Variants in HLCS observed in about 807,000 individuals in gnomAD.
The protein encoded by HLCS is holocarboxylase synthetase.
Under a neutral mutation model 75.0 loss-of-function variants are expected in HLCS, and 53 were observed. That is an observed-to-expected ratio of 0.71 (90% CI 0.57 to 0.89). HLCS has a LOEUF of 0.89. Ranked by LOEUF, HLCS falls within the 40% of genes least tolerant of loss-of-function variation. The probability of loss-of-function intolerance (pLI) is 0.00; values close to 1 mark genes in which losing one functional copy is unlikely to be tolerated. For synonymous variants in HLCS, 431 were observed against 428.6 expected (o/e 1.01, Z -0.07); for missense variants, 966 against 1,074.0 (o/e 0.90, Z 1.41).
rs181761565 is a variant in HLCS at position 36,840,632 on chromosome 21, T to C, written c.1892+56228A>G. On this transcript the variant is annotated intron_variant, in intron 6 of 10. Transcript: ENST00000674895. ...TTTCAATTAATTAATTTTTTTGAGA[T>C]GGAGTTTTTTGCTCTTGTTGCCCAG... Among the ~76,000 whole-genome samples, 909 of 152,256 alleles carry C rather than the reference T, an allele frequency of 6.0e-3. 4 individuals carry two copies. The highest frequency in any genetic ancestry group is 0.031 in the South Asian group (148 of 4,824).
intron 8 of HLCS, among the ~76,000 whole-genome samples, chr21:36,760,152 T>TCCA (rs953511354): frequency 1.3e-5 from 2 of 152,054 alleles, no homozygotes; most frequent in Non-Finnish European, 2.9e-5. Context: ...TATGTCAGTA[T>TCCA]CCACCACCAC....
At position 36,752,380 on chromosome 21, in the gene HLCS, T is replaced by G. The variant is rs1016531070; in HGVS notation, c.*1866A>C. Reference sequence around the variant, plus strand: ...CAGCTTAAAACAAAACATAGCATGTTTTTCATTAAATAACCCCCAAAGAAA... The same window carrying G: ...CAGCTTAAAACAAAACATAGCATGTGTTTCATTAAATAACCCCCAAAGAAA... On this transcript the variant is annotated 3_prime_UTR_variant, in exon 11 of 11. Coordinates refer to ENST00000674895, the MANE Select transcript of HLCS (RefSeq NM_001352514.2). 2.0e-5 allele frequency: 3 copies of G among 152,550 alleles called. No individual in the cohort carries two copies. The highest frequency in any genetic ancestry group is 4.4e-5 in the Non-Finnish European group (3 of 68,044). 9.4% of individuals were successfully genotyped at this position (152,550 alleles called of 1,614,324 possible).
chr21:36,879,072 T>C (rs1466940472), intron 6 of HLCS, among the ~76,000 whole-genome samples: 15 of 152,156 alleles, frequency 9.9e-5, no homozygotes, highest in Admixed American at 9.8e-4. Context: ...TGTCACATAG[T>C]AAATGGTAAA....
At chr21:36,759,904 T>G in intron 8 of HLCS, 63 bp from the exon 9 acceptor site, 1 of 1,019,686 alleles carries the variant, frequency 9.8e-7, no homozygotes, top group Admixed American at 1.7e-5. Flanking sequence ...GGCAAGTCAC[T>G]GAGCTAAGGG....
intron 6 of HLCS, among the ~76,000 whole-genome samples, chr21:36,826,411 A>G (rs6517384): frequency 0.35 from 53,264 of 152,124 alleles, 10,090 homozygotes; most frequent in African/African-American, 0.48. Context: ...ATGAATGGAC[A>G]AATGAATGGA....
Position 36,962,046 on chromosome 21 carries a change from G to A in HLCS, c.320C>T (p.Ser107Phe), listed in dbSNP as rs914337121. Reference sequence around the variant, plus strand: ...AAACATGGTACTCACTGTTTCTGAAGAGGATGATCTCTGTAAATTCTCACT... The same window carrying A: ...AAACATGGTACTCACTGTTTCTGAAAAGGATGATCTCTGTAAATTCTCACT... ...VQSENLQRSS[S>F]SETIVKWSDC... Residue 107 changes from serine to phenylalanine, a missense_variant, in exon 2 of 11, where the codon TCT becomes TTT. Ser to Phe is a radical substitution (Grantham distance 155). Coordinates refer to ENST00000674895, the MANE Select transcript of HLCS (RefSeq NM_001352514.2). The A allele has an allele frequency of 7.0e-6, 9 of 1,288,976 alleles. No homozygotes were observed. The African/African-American group carries it at 7.6e-5, about 11-fold the overall frequency. The allele number at this position is 1,288,976 out of a possible 1,614,324, so 79.8% of individuals were successfully genotyped here.
intron 8 of HLCS, among the ~76,000 whole-genome samples, chr21:36,763,886 G>C (rs1004315338): frequency 6.6e-6 from 1 of 152,174 alleles, no homozygotes; most frequent in Non-Finnish European, 1.5e-5. Flanking sequence ...AGGCACACGG[G>C]TCCTAATAGC....
chr21:36,907,587 C>T (rs1297573448), intron 5 of HLCS, among the ~76,000 whole-genome samples: 1 of 151,764 alleles, frequency 6.6e-6, no homozygotes, highest in South Asian at 2.1e-4. Context: ...ACCCAGGAGG[C>T]GGAGGTTGCA....
At chr21:36,767,081 A>G in intron 7 of HLCS, 137 bp downstream of exon 7, 1 of 801,654 alleles carries the variant, frequency 1.2e-6, no homozygotes, top group Non-Finnish European at 2.2e-6. Context: ...CCTCCATTCC[A>G]GGCGGTTATG....
chr21:36,888,508 A>G (rs1358094869), intron 6 of HLCS, among the ~76,000 whole-genome samples: 1 of 111,486 alleles, frequency 9.0e-6, no homozygotes, highest in African/African-American at 3.7e-5. Flanking sequence ...TTATTTATTT[A>G]TTTTATGGGA....
intron 6 of HLCS, among the ~76,000 whole-genome samples, chr21:36,796,339 G>A (rs2061023638): frequency 6.6e-6 from 1 of 152,156 alleles, no homozygotes; most frequent in African/African-American, 2.4e-5. Flanking sequence ...TGGGCAAAAT[G>A]AGGAAAATCA....
intron 5 of HLCS, among the ~76,000 whole-genome samples, chr21:36,923,986 G>A (rs1023407862): frequency 4.6e-5 from 7 of 152,134 alleles, no homozygotes; most frequent in African/African-American, 1.2e-4. Context: ...GCCTTTAGCC[G>A]GTGCCGTATT....
chr21:36,872,567 G>A (rs2067584042), intron 6 of HLCS, among the ~76,000 whole-genome samples: 1 of 152,154 alleles, frequency 6.6e-6, no homozygotes, highest in Non-Finnish European at 1.5e-5. Context: ...TAGATTAGAT[G>A]TGTCTGTTCT....
chr21:36,966,377 G>T (rs979091406), intron 1 of HLCS, 67 bp downstream of exon 1: 1 of 664,360 alleles, frequency 1.5e-6, no homozygotes, highest in Non-Finnish European at 1.9e-6. Flanking sequence ...CGGCGGGGAC[G>T]AGGCGCAGGG....
At chr21:36,886,763 G>T (rs1373523433) in intron 6 of HLCS, among the ~76,000 whole-genome samples, 1 of 152,142 alleles carries the variant, frequency 6.6e-6, no homozygotes, top group African/African-American at 2.4e-5. Context: ...TAACTAATGG[G>T]ATTAATGCCC....
At chr21:36,779,420 A>T (rs1402552025) in intron 6 of HLCS, among the ~76,000 whole-genome samples, 1 of 152,028 alleles carries the variant, frequency 6.6e-6, no homozygotes, top group Non-Finnish European at 1.5e-5. Flanking sequence ...CCATAAGTTC[A>T]TCATAAACTC....
At chr21:36,825,990 T>C (rs1178971450) in intron 6 of HLCS, among the ~76,000 whole-genome samples, 1 of 151,868 alleles carries the variant, frequency 6.6e-6, no homozygotes, top group Non-Finnish European at 1.5e-5. Flanking sequence ...GCAGAGGGAG[T>C]TTCTTCACTG....
Position 36,842,803 on chromosome 21 carries a change from C to T in HLCS, c.1892+54057G>A, listed in dbSNP as rs941955873. Among the ~76,000 whole-genome samples, 2 of 152,162 alleles carry T rather than the reference C, an allele frequency of 1.3e-5. No individual in the cohort carries two copies. The highest frequency in any genetic ancestry group is 6.5e-5 in the Admixed American group (1 of 15,268). The stretch of plus-strand genomic sequence containing the variant: ...TTATTGATAAAACAATTCAAGGCCA[C>T]GAATCCAGGGTAGCCCACACCACCC... On this transcript the variant is annotated intron_variant, in intron 6 of 10. Coordinates refer to ENST00000674895, the MANE Select transcript of HLCS (RefSeq NM_001352514.2). The surrounding 1 kb of genome is among the most constrained non-coding windows in gnomAD (Gnocchi z 4.2).
At chr21:36,900,563 G>C (rs2065196501) in intron 5 of HLCS, among the ~76,000 whole-genome samples, 1 of 152,140 alleles carries the variant, frequency 6.6e-6, no homozygotes, top group Non-Finnish European at 1.5e-5. Context: ...GCCCCAGAAG[G>C]TTCTGGGGAA....
Sources: allele counts gnomAD v4.1 joint callset (sites outside exome capture counted in the v4.1 genomes callset), GRCh38; gene constraint gnomAD v4.1.1; non-coding constraint Gnocchi (gnomAD v3.1); transcripts MANE v1.5; gene names NCBI Gene and HGNC (gene_info 2026-07-23, HGNC 2026-07-21).